Variants in ADGRL3 observed in about 807,000 individuals in gnomAD.
ADGRL3 encodes calcium-independent alpha-latrotoxin receptor 3.
ADGRL3 carries 62 observed loss-of-function variants against 153.5 expected under a neutral mutation model. The ratio of observed to expected loss-of-function variants is 0.40; its 90% CI spans 0.33 to 0.50. The LOEUF (loss-of-function observed/expected upper bound fraction) is 0.50, where lower values mean the gene tolerates loss of function less well. ADGRL3 is among the 20% of genes least tolerant of loss of function. The probability of loss-of-function intolerance (pLI) is 0.47; values close to 1 mark genes in which losing one functional copy is unlikely to be tolerated. For missense variants in ADGRL3, 1,641 were observed against 1,859.4 expected (o/e 0.88, Z 2.16); for synonymous variants, 710 against 672.5 (o/e 1.06, Z -0.86).
intron 13 of ADGRL3, among the ~76,000 whole-genome samples, chr4:61,915,335 T>A (rs2098740632): frequency 6.7e-6 from 1 of 149,580 alleles, no homozygotes; most frequent in Admixed American, 6.7e-5. Flanking sequence ...TATCTATATA[T>A]GACCTATACT....
intron 1 of ADGRL3, among the ~76,000 whole-genome samples, chr4:61,294,186 G>T (rs762813866): frequency 2.0e-5 from 3 of 152,154 alleles, no homozygotes; most frequent in Non-Finnish European, 4.4e-5. Flanking sequence ...GCAGCTCCCA[G>T]TCAGCCCTGC....
chr4:61,668,393 A>G (rs1036832012), intron 5 of ADGRL3, among the ~76,000 whole-genome samples: 3 of 152,196 alleles, frequency 2.0e-5, no homozygotes, highest in Admixed American at 1.3e-4. Context: ...CTTCACAACT[A>G]TAAGATAATT....
intron 6 of ADGRL3, among the ~76,000 whole-genome samples, chr4:61,702,656 G>T (rs1190863814): frequency 6.6e-6 from 1 of 152,106 alleles, no homozygotes. Context: ...GTAAGGAAAA[G>T]AAATTTGCTG....
At chr4:62,059,402 TA>T (rs1334850289) in intron 25 of ADGRL3, among the ~76,000 whole-genome samples, 2 of 152,104 alleles carry the variant, frequency 1.3e-5, no homozygotes, top group East Asian at 3.9e-4. Flanking sequence ...CCTCCATTTG[TA>T]GAGTTAATTT....
intron 1 of ADGRL3, among the ~76,000 whole-genome samples, chr4:61,353,057 G>A (rs923290308): frequency 6.6e-6 from 1 of 152,092 alleles, no homozygotes; most frequent in Non-Finnish European, 1.5e-5. Context: ...CTCAGTTACC[G>A]TATCTTAGGG....
At chr4:61,864,730 C>T (rs981689542) in intron 9 of ADGRL3, among the ~76,000 whole-genome samples, 38 of 152,124 alleles carry the variant, frequency 2.5e-4, no homozygotes, top group Admixed American at 1.3e-3. Context: ...TTTTCAACGA[C>T]GATTCTTTTG....
intron 25 of ADGRL3, among the ~76,000 whole-genome samples, chr4:62,067,555 A>G (rs1192421334): frequency 1.3e-5 from 2 of 152,022 alleles, no homozygotes; most frequent in Non-Finnish European, 1.5e-5. Context: ...AGCTCCAAAA[A>G]TGACAATATT....
chr4:61,810,081 A>C (rs1212043360), intron 8 of ADGRL3, among the ~76,000 whole-genome samples: 1 of 152,132 alleles, frequency 6.6e-6, no homozygotes, highest in African/African-American at 2.4e-5. Context: ...CTTACCCATT[A>C]AACTAAACTG....
intron 2 of ADGRL3, among the ~76,000 whole-genome samples, chr4:61,461,362 A>G (rs2097814894): frequency 1.3e-5 from 2 of 152,182 alleles, no homozygotes; most frequent in Non-Finnish European, 2.9e-5. Flanking sequence ...CAATATAGCT[A>G]AAAGACAAGA....
chr4:61,613,574 T>A (rs1174462011), intron 5 of ADGRL3, among the ~76,000 whole-genome samples: 2 of 152,100 alleles, frequency 1.3e-5, no homozygotes, highest in Non-Finnish European at 2.9e-5. Context: ...TGAAACCCTG[T>A]CTCTACTAAA....
At chr4:61,248,878 G>A (rs1505671) in intron 1 of ADGRL3, among the ~76,000 whole-genome samples, 111,649 of 152,064 alleles carry the variant, frequency 0.73, 41,151 homozygotes, top group East Asian at 0.76. Context: ...GCTACACCTC[G>A]TTTTCCTTTA....
intron 19 of ADGRL3, 138 bp from the exon 20 acceptor site, chr4:61,996,153 A>T (rs2099120907): frequency 1.6e-6 from 1 of 616,820 alleles, no homozygotes; most frequent in African/African-American, 1.9e-5. Flanking sequence ...CAGCATTTAA[A>T]TGAACAAGCA....
chr4:61,729,079 T>A (rs1343202916), intron 6 of ADGRL3, among the ~76,000 whole-genome samples: 3 of 151,666 alleles, frequency 2.0e-5, no homozygotes, highest in Non-Finnish European at 3.0e-5. Flanking sequence ...GGGGTGAGGG[T>A]TGAAAAACTT....
chr4:61,484,625 C>T (rs1007536122), intron 2 of ADGRL3, among the ~76,000 whole-genome samples: 15 of 151,974 alleles, frequency 9.9e-5, no homozygotes, highest in African/African-American at 3.4e-4. Context: ...ATGTCATCAG[C>T]GTATTAGCAC....
chr4:61,690,378 G>A (rs1045423771), intron 6 of ADGRL3, among the ~76,000 whole-genome samples: 13 of 151,958 alleles, frequency 8.6e-5, no homozygotes, highest in South Asian at 8.3e-4. Context: ...AGGAGGTTGC[G>A]GTTGCAGTGT....
chr4:61,906,070 G>T (rs1447335706), intron 11 of ADGRL3, among the ~76,000 whole-genome samples: 1 of 151,050 alleles, frequency 6.6e-6, no homozygotes, highest in African/African-American at 2.4e-5. Flanking sequence ...TAAATATATA[G>T]AAATTCACAT....
intron 8 of ADGRL3, among the ~76,000 whole-genome samples, chr4:61,734,533 C>A (rs868298256): frequency 7.2e-5 from 11 of 152,084 alleles, no homozygotes; most frequent in South Asian, 4.1e-4. Context: ...CCTTATAAAG[C>A]CATCAGATTT....
intron 15 of ADGRL3, among the ~76,000 whole-genome samples, chr4:61,945,857 C>A (rs2098920207): frequency 1.3e-5 from 2 of 152,052 alleles, no homozygotes; most frequent in African/African-American, 4.8e-5. Flanking sequence ...GTGAGATGAA[C>A]CCGGTACCTC....
At chr4:61,285,315 GT>G (rs2093891948) in intron 1 of ADGRL3, among the ~76,000 whole-genome samples, 1 of 151,666 alleles carries the variant, frequency 6.6e-6, no homozygotes, top group South Asian at 2.1e-4. Context: ...GATATATATG[GT>G]TTTAGTTTTC....
Sources: gnomAD v4.1 joint callset for allele counts (sites outside exome capture counted in the v4.1 genomes callset) on GRCh38, gnomAD v4.1.1 for gene constraint, MANE v1.5 for transcripts, NCBI Gene and HGNC (gene_info 2026-07-23, HGNC 2026-07-21) for gene names.